Variants in MGLL observed in about 807,000 individuals in gnomAD.
MGLL encodes lysophospholipase homolog.
A neutral mutation model predicts 29.1 loss-of-function variants in MGLL; 7 were observed. That is an observed-to-expected ratio of 0.24 (90% confidence interval 0.14 to 0.45). The LOEUF (loss-of-function observed/expected upper bound fraction) is 0.45. Among genes scored for constraint, MGLL ranks in the 20% least tolerant of loss-of-function variants. The pLI is 0.99. For synonymous variants in MGLL, 148 were observed against 168.3 expected, an observed-to-expected ratio of 0.88 and a Z score of 0.93; for missense variants, 356 against 413.6, an observed-to-expected ratio of 0.86 and a Z score of 1.21.
intron 3 of MGLL, among the ~76,000 whole-genome samples, chr3:127,757,293 G>T (rs1416588778): frequency 6.6e-6 from 1 of 152,140 alleles, no homozygotes; most frequent in Non-Finnish European, 1.5e-5. Flanking sequence ...GTTTTAGGCT[G>T]TTGAGTTTCG....
In MGLL at chr3:127,689,181, C is replaced by T. The variant is rs1337584399; in HGVS notation, c.*3017G>A. ...TACACGCAGGGATGTGACTGAGCCA[C>T]AGTGACATAGCAAACCCAACAGCTG... On this transcript the variant is annotated 3_prime_UTR_variant, in exon 8 of 8. Coordinates refer to ENST00000265052, the MANE Select transcript of MGLL (RefSeq NM_007283.7). The T allele has an allele frequency of 1.3e-5, 2 of 152,274 alleles. No individual in the cohort carries two copies. The highest frequency in any genetic ancestry group is 1.9e-4 in the East Asian group (1 of 5,202). 9.4% of individuals were successfully genotyped at this position (152,274 alleles called of 1,614,324 possible).
chr3:127,721,806 C>T (rs1198233754), intron 4 of MGLL, among the ~76,000 whole-genome samples: 1 of 152,032 alleles, frequency 6.6e-6, no homozygotes, highest in Admixed American at 6.6e-5. Context: ...GTCAGATGTC[C>T]CCAGGCCTTC....
chr3:127,766,116 T>C (rs555460709), intron 3 of MGLL, among the ~76,000 whole-genome samples: 8 of 152,296 alleles, frequency 5.3e-5, no homozygotes, highest in African/African-American at 1.9e-4. Flanking sequence ...CCTATGAAGA[T>C]ATTTCCCCAT....
Position 127,710,625 on chromosome 3 carries a change from A to G in MGLL, c.551T>C (p.Leu184Ser), listed in dbSNP as rs2075692020. 6.3e-7 allele frequency: 1 copy of G among 1,574,842 alleles called. No individual in the cohort carries two copies. Among genetic ancestry groups the G allele is most frequent in the Non-Finnish European group, 8.6e-7 (1 of 1,159,172 alleles). ...GCTGGAGTCGATGGGCCCGAGGGAC[A>G]AGTTTGGCAGCACAAGGTTGAGCAC... The part of the protein sequence containing the change: ...AKVLNLVLPN[L>S]SLGPIDSSVL... The change falls in exon 6 of 8, where the codon TTG (leucine) becomes TCG (serine). Residue 184 changes from leucine to serine, a missense_variant. Physicochemically the swap from Leu to Ser is moderately radical, Grantham distance 145. Coordinates refer to ENST00000265052, the MANE Select transcript of MGLL (RefSeq NM_007283.7).
At chr3:127,782,322 G>A (rs2077141843) in intron 2 of MGLL, among the ~76,000 whole-genome samples, 1 of 152,164 alleles carries the variant, frequency 6.6e-6, no homozygotes, top group Non-Finnish European at 1.5e-5. Context: ...CCACACCATG[G>A]GCTCCAGGCA....
chr3:127,805,944 T>A (rs940290330), intron 2 of MGLL, among the ~76,000 whole-genome samples: 16 of 152,342 alleles, frequency 1.1e-4, no homozygotes, highest in Middle Eastern at 3.4e-3. Flanking sequence ...AAAAGAATTT[T>A]AAGAAACTCA....
intron 3 of MGLL, among the ~76,000 whole-genome samples, chr3:127,759,358 A>G (rs574111333): frequency 2.0e-5 from 3 of 151,856 alleles, no homozygotes; most frequent in Non-Finnish European, 4.4e-5. Flanking sequence ...AACATCTCCA[A>G]CCTCTGCGGG....
chr3:127,789,071 G>A (rs754469088), intron 2 of MGLL, among the ~76,000 whole-genome samples: 3 of 152,078 alleles, frequency 2.0e-5, no homozygotes, highest in Admixed American at 6.5e-5. Flanking sequence ...TTATCCAAAC[G>A]CTCCACTGGA....
chr3:127,745,443 G>A (rs771685718), intron 3 of MGLL, among the ~76,000 whole-genome samples: 1 of 152,162 alleles, frequency 6.6e-6, no homozygotes, highest in Non-Finnish European at 1.5e-5. Flanking sequence ...AAATGACTTA[G>A]GCACAGAAAG....
At chr3:127,750,649 C>G (rs2076541258) in intron 3 of MGLL, among the ~76,000 whole-genome samples, 1 of 151,228 alleles carries the variant, frequency 6.6e-6, no homozygotes, top group Non-Finnish European at 1.5e-5. Context: ...CACACACACA[C>G]CACTGAAAGG....
chr3:127,808,658 T>G (rs1478325880), intron 2 of MGLL, among the ~76,000 whole-genome samples: 1 of 152,086 alleles, frequency 6.6e-6, no homozygotes, highest in African/African-American at 2.4e-5. Context: ...AAGAAGGAAA[T>G]GGATACTGGG....
At chr3:127,745,332 TGTG>T (rs1255955584) in intron 3 of MGLL, among the ~76,000 whole-genome samples, 15 of 152,150 alleles carry the variant, frequency 9.9e-5, no homozygotes, top group African/African-American at 1.2e-4. Flanking sequence ...ATAAAGAAAA[TGTG>T]GTGCATTTAT....
In MGLL at chr3:127,730,693, A is replaced by C. The variant is rs368217484; in HGVS notation, c.263-8127T>G. Among the ~76,000 whole-genome samples, 8 of 152,290 alleles carry C rather than the reference A, an allele frequency of 5.3e-5. No individual in the cohort carries two copies. In the South Asian group the frequency reaches 1.7e-3, roughly 32 times the overall value. ...CTGAAGCACTTCTTGCCCCTGTCAC[A>C]TGTGAGTTGATCACAGTCCTCCCTC... On this transcript the variant is annotated intron_variant, in intron 3 of 7. Transcript: ENST00000265052.
intron 6 of MGLL, among the ~76,000 whole-genome samples, chr3:127,703,035 G>T (rs2075527724): frequency 6.6e-6 from 1 of 152,164 alleles, no homozygotes; most frequent in Non-Finnish European, 1.5e-5. Flanking sequence ...GGTAGGAATG[G>T]CTCTGCAGGT....
chr3:127,718,413 G>A (rs1441388893), intron 5 of MGLL, among the ~76,000 whole-genome samples: 1 of 152,180 alleles, frequency 6.6e-6, no homozygotes, highest in Non-Finnish European at 1.5e-5. Context: ...AACGCTAGAG[G>A]GAGGAGGTGG....
chr3:127,726,169 AAAGAAAGAAAG>A (rs1324685197), intron 3 of MGLL, among the ~76,000 whole-genome samples: 5 of 32,628 alleles, frequency 1.5e-4, no homozygotes, highest in African/African-American at 5.7e-4. Context: ...AGAAAGAAAG[AAAGAAAGAAAG>A]AAAGAAAAGA....
chr3:127,736,398 G>C, intron 3 of MGLL: 4 of 951,998 alleles, frequency 4.2e-6, no homozygotes, highest in Non-Finnish European at 5.0e-6. Context: ...CAGCGAAAAA[G>C]AGTAATGAGT....
intron 3 of MGLL, among the ~76,000 whole-genome samples, chr3:127,759,220 C>T (rs544560148): frequency 1.3e-5 from 2 of 152,322 alleles, no homozygotes; most frequent in African/African-American, 2.4e-5. Flanking sequence ...CCACTGCGCC[C>T]GGCCCTGGCA....
intron 3 of MGLL, among the ~76,000 whole-genome samples, chr3:127,739,867 G>A (rs886818599): frequency 1.3e-5 from 2 of 152,190 alleles, no homozygotes; most frequent in Non-Finnish European, 2.9e-5. Flanking sequence ...AGCCCCCAGT[G>A]CACCTTTGCT....
Sources: allele counts gnomAD v4.1 joint callset (sites outside exome capture counted in the v4.1 genomes callset), GRCh38; gene constraint gnomAD v4.1.1; transcripts MANE v1.5; gene names NCBI Gene and HGNC (gene_info 2026-07-23, HGNC 2026-07-21).